LRP1B: variants seen among roughly 807,000 people sequenced by gnomAD.
LRP1B encodes LDL receptor related protein 1B.
A neutral mutation model predicts 556.6 loss-of-function variants in LRP1B; 217 were observed. That is an observed-to-expected ratio of 0.39 (90% CI 0.35 to 0.44). LRP1B has a LOEUF of 0.44. LRP1B is among the 20% of genes least tolerant of loss of function. The probability of loss-of-function intolerance (pLI) is 1.00; values close to 1 mark genes in which losing one functional copy is unlikely to be tolerated. For synonymous variants in LRP1B, 2,047 were observed against 1,865.8 expected (o/e 1.10, Z -2.50); for missense variants, 5,053 against 5,620.8 (o/e 0.90, Z 3.23).
intron 14 of LRP1B, among the ~76,000 whole-genome samples, chr2:141,010,203 GC>G (rs1387614440): frequency 6.6e-5 from 10 of 151,860 alleles, no homozygotes; most frequent in Admixed American, 2.0e-4. Context: ...CCCAAAATGT[GC>G]AAAAAATCAA....
intron 18 of LRP1B, among the ~76,000 whole-genome samples, chr2:140,966,581 C>T (rs2105322822): frequency 6.6e-6 from 1 of 152,216 alleles, no homozygotes; most frequent in African/African-American, 2.4e-5. Context: ...TCTTTTGTTG[C>T]CATTGCTTTT....
At chr2:141,579,646 T>G (rs1055263465) in intron 2 of LRP1B, among the ~76,000 whole-genome samples, 2 of 152,030 alleles carry the variant, frequency 1.3e-5, no homozygotes, top group Non-Finnish European at 2.9e-5. Context: ...GTGTTGAATT[T>G]AGTCATTTTC....
chr2:141,546,845 G>A (rs1210598823), intron 2 of LRP1B, among the ~76,000 whole-genome samples: 2 of 152,104 alleles, frequency 1.3e-5, no homozygotes, highest in African/African-American at 4.8e-5. Context: ...GTTCTCTTCA[G>A]ATTCTCTTAC....
intron 7 of LRP1B, among the ~76,000 whole-genome samples, chr2:141,073,266 T>C (rs969289856): frequency 1.3e-5 from 2 of 152,120 alleles, no homozygotes; most frequent in Non-Finnish European, 2.9e-5. Context: ...CCAAGTATTT[T>C]CATATGGTTA....
intron 15 of LRP1B, among the ~76,000 whole-genome samples, chr2:140,995,909 G>A (rs1697232012): frequency 6.6e-6 from 1 of 151,982 alleles, no homozygotes; most frequent in Non-Finnish European, 1.5e-5. Flanking sequence ...AGAAAGAGAA[G>A]AGAATATGTG....
intron 66 of LRP1B, among the ~76,000 whole-genome samples, chr2:140,405,399 CA>C (rs1333563774): frequency 1.3e-5 from 2 of 151,728 alleles, no homozygotes; most frequent in Non-Finnish European, 2.9e-5. Context: ...AACAAAAATA[CA>C]AAACATAAAT....
At chr2:141,130,653 T>C (rs1213732108) in intron 7 of LRP1B, among the ~76,000 whole-genome samples, 2 of 152,190 alleles carry the variant, frequency 1.3e-5, no homozygotes, top group East Asian at 1.9e-4. Context: ...CTGATTATAA[T>C]AGAAAAAGAA....
chr2:141,248,973 G>A (rs144069402), intron 4 of LRP1B, among the ~76,000 whole-genome samples: 269 of 152,278 alleles, frequency 1.8e-3, no homozygotes, highest in African/African-American at 6.1e-3. Flanking sequence ...TGTGACAGAA[G>A]TGAAAATTGA....
intron 32 of LRP1B, among the ~76,000 whole-genome samples, chr2:140,788,420 G>A (rs1242004139): frequency 6.6e-6 from 1 of 152,010 alleles, no homozygotes; most frequent in African/African-American, 2.4e-5. Flanking sequence ...TTTTCATGGA[G>A]GCTGGTTGAG....
chr2:141,251,200 A>G (rs1573712712), intron 4 of LRP1B, among the ~76,000 whole-genome samples: 1 of 152,092 alleles, frequency 6.6e-6, no homozygotes, highest in African/African-American at 2.4e-5. Flanking sequence ...GCTCTGAAAA[A>G]CTGCAGATAT....
intron 43 of LRP1B, among the ~76,000 whole-genome samples, chr2:140,559,998 AG>A (rs1680872270): frequency 6.6e-6 from 1 of 152,208 alleles, no homozygotes; most frequent in African/African-American, 2.4e-5. Context: ...AATATTAATT[AG>A]TTTCATAGGG....
intron 2 of LRP1B, among the ~76,000 whole-genome samples, chr2:141,700,394 C>T (rs1446812719): frequency 2.0e-5 from 3 of 151,758 alleles, no homozygotes; most frequent in African/African-American, 7.3e-5. Context: ...AAGAAGAAGC[C>T]TCATCCTTAA....
At chr2:141,128,411 A>C (rs1701268768) in intron 7 of LRP1B, among the ~76,000 whole-genome samples, 1 of 152,024 alleles carries the variant, frequency 6.6e-6, no homozygotes, top group Non-Finnish European at 1.5e-5. Flanking sequence ...TCCTGTACTG[A>C]TGTCACCCCA....
chr2:140,511,487 G>C (rs1047617600), intron 51 of LRP1B, among the ~76,000 whole-genome samples: 4 of 151,876 alleles, frequency 2.6e-5, no homozygotes, highest in South Asian at 2.1e-4. Context: ...ATTTTTAGTA[G>C]AGACGGGGTT....
chr2:140,368,073 TA>T (rs34290592), intron 71 of LRP1B, among the ~76,000 whole-genome samples: 1 of 151,680 alleles, frequency 6.6e-6, no homozygotes, highest in Non-Finnish European at 1.5e-5. Flanking sequence ...AAATTTGCAC[TA>T]AAAAAATGCA....
At chr2:141,915,496 G>A (rs1259342678) in intron 1 of LRP1B, among the ~76,000 whole-genome samples, 1 of 151,934 alleles carries the variant, frequency 6.6e-6, no homozygotes, top group Non-Finnish European at 1.5e-5. Flanking sequence ...AGAAAACCTG[G>A]GAAATACCAT....
chr2:141,217,149 C>T (rs532827546), intron 6 of LRP1B, among the ~76,000 whole-genome samples: 6 of 152,022 alleles, frequency 3.9e-5, no homozygotes, highest in Non-Finnish European at 7.4e-5. Flanking sequence ...GGAGGTGGGT[C>T]CTAGTGGGAG....
chr2:140,627,474 T>TGGA (rs1162539501), intron 41 of LRP1B, among the ~76,000 whole-genome samples: 2 of 151,928 alleles, frequency 1.3e-5, no homozygotes, highest in African/African-American at 4.8e-5. Context: ...TTTGGACTCT[T>TGGA]GGACCTACAC....
intron 3 of LRP1B, among the ~76,000 whole-genome samples, chr2:141,373,636 G>T (rs1689320710): frequency 6.6e-6 from 1 of 151,510 alleles, no homozygotes; most frequent in Non-Finnish European, 1.5e-5. Context: ...GTCTGTTTTA[G>T]CTGACATAAA....
Sources: allele counts gnomAD v4.1 joint callset (sites outside exome capture counted in the v4.1 genomes callset), GRCh38; gene constraint gnomAD v4.1.1; transcripts MANE v1.5; gene names NCBI Gene and HGNC (gene_info 2026-07-23, HGNC 2026-07-21).